The following RAB9A variants were observed in gnomAD, a reference collection of about 807,000 sequenced individuals.
The protein encoded by RAB9A is ras-related protein Rab-9A.
In RAB9A, 1 loss-of-function variant was observed where a neutral mutation model predicts 10.3. The observed-to-expected ratio is 0.10, with a 90% CI of 0.03 to 0.46. The LOEUF is 0.46. Among genes scored for constraint, RAB9A ranks in the 20% least tolerant of loss-of-function variants. RAB9A has a pLI of 0.96. For synonymous variants in RAB9A, 39 were observed against 55.2 expected, an observed-to-expected ratio of 0.71 and a Z score of 1.30; for missense variants, 92 against 150.3, an observed-to-expected ratio of 0.61 and a Z score of 2.03.
Position 13,709,150 on chromosome X carries a change from C to G in RAB9A, c.404C>G (p.Thr135Arg), listed in dbSNP as rs1410088208. ...KIDISERQVS[T>R]EEAQAWCRDN... ...GACATAAGCGAACGGCAGGTGTCTA[C>G]AGAAGAAGCCCAAGCTTGGTGCAGG... Residue 135 changes from threonine (T) to arginine (R), a missense_variant, in exon 3 of 3, where the codon ACA (threonine) becomes AGA (arginine). By Grantham distance (71) the Thr-to-Arg change is moderately conservative. Coordinates refer to ENST00000464506, the MANE Select transcript of RAB9A (RefSeq NM_004251.5). 2.5e-6 allele frequency: 3 copies of G among 1,211,794 alleles called. No homozygotes were observed. Among genetic ancestry groups the G allele is most frequent in the Non-Finnish European group, 3.4e-6 (3 of 895,486 alleles).
At chrX:13,707,860 A>G (rs1008727669) in intron 2 of RAB9A, among the ~76,000 whole-genome samples, 1 of 112,417 alleles carries the variant, frequency 8.9e-6, no homozygotes, top group African/African-American at 3.2e-5. Flanking sequence ...TGGTTGGTTC[A>G]TACTTTATTT....
In RAB9A at chrX:13,710,294, CT is replaced by C. The variant is rs1159625354; in HGVS notation, c.*945del. On this transcript the variant is annotated 3_prime_UTR_variant, in exon 3 of 3. Coordinates refer to ENST00000464506, the MANE Select transcript of RAB9A (RefSeq NM_004251.5). ...CTTTATAACACAAGACACAAGCTGACTTTATCACTCTCAGAAGAAATACTAA... is the reference window on the plus strand; with the variant it reads ...CTTTATAACACAAGACACAAGCTGACTTATCACTCTCAGAAGAAATACTAA... The C allele has an allele frequency of 8.1e-6, 1 of 123,765 alleles. No individual in the cohort carries two copies. The highest frequency in any genetic ancestry group is 3.2e-5 in the African/African-American group (1 of 30,920). 10.2% of individuals were successfully genotyped at this position (123,765 alleles called of 1,213,427 possible).
chrX:13,699,472 G>A (rs1185981857), intron 1 of RAB9A, among the ~76,000 whole-genome samples: 1 of 112,643 alleles, frequency 8.9e-6, no homozygotes, highest in African/African-American at 3.2e-5. Flanking sequence ...TAGGTGTTGT[G>A]TGTCCCTCCC....
chrX:13,696,464 G>T (rs1279894933), intron 1 of RAB9A, among the ~76,000 whole-genome samples: 1 of 111,290 alleles, frequency 9.0e-6, no homozygotes, highest in African/African-American at 3.3e-5. Context: ...CAAGATTTTA[G>T]TTCATGCACA....
chrX:13,700,508 A>G (rs780523483), intron 1 of RAB9A, among the ~76,000 whole-genome samples: 7 of 112,110 alleles, frequency 6.2e-5, no homozygotes, highest in Admixed American at 1.9e-4. Context: ...TCTGCTGGCA[A>G]TGTGGTTCAT....
intron 1 of RAB9A, among the ~76,000 whole-genome samples, chrX:13,697,399 C>A (rs1012387827): frequency 6.2e-5 from 7 of 112,061 alleles, no homozygotes; most frequent in Admixed American, 9.5e-5. Context: ...TGACTTTTAT[C>A]TATGTCTTTG....
At chrX:13,705,069 C>T (rs893212550) in intron 2 of RAB9A, among the ~76,000 whole-genome samples, 1 of 111,544 alleles carries the variant, frequency 9.0e-6, no homozygotes, top group Non-Finnish European at 1.9e-5. Flanking sequence ...TAGTAGGATC[C>T]CTTTATTTAT....
chrX:13,693,693 C>A (rs1318186685), intron 1 of RAB9A, among the ~76,000 whole-genome samples: 1 of 111,786 alleles, frequency 8.9e-6, no homozygotes, highest in Non-Finnish European at 1.9e-5. Context: ...TATTATGTTG[C>A]TTATTATGAA....
Position 13,709,364 on chromosome X carries a change from T to A in RAB9A, c.*12T>A. The A allele has an allele frequency of 8.4e-7, 1 of 1,190,222 alleles. No homozygotes were observed. Among genetic ancestry groups the A allele is most frequent in the Non-Finnish European group, 1.1e-6 (1 of 883,953 alleles). ...CATCTTGCTGTTGATTGTTAGATTG[T>A]TGATGCATTCTAACCAACTCACACA... On this transcript the variant is annotated 3_prime_UTR_variant, in exon 3 of 3. Coordinates refer to ENST00000464506, the MANE Select transcript of RAB9A (RefSeq NM_004251.5).
chrX:13,695,318 C>T (rs979874398), intron 1 of RAB9A, among the ~76,000 whole-genome samples: 4 of 112,234 alleles, frequency 3.6e-5, no homozygotes, highest in Admixed American at 9.4e-5. Context: ...TTGTACCTTA[C>T]GTAGACCTTT....
rs1281512209 is a variant in RAB9A, at chrX:13,709,246, A to C, written c.500A>C (p.Glu167Ala). Residue 167 changes from glutamate (E) to alanine (A), a missense_variant, in exon 3 of 3, where the codon GAA becomes GCA. Transcript: ENST00000464506. The stretch of plus-strand genomic sequence containing the variant: ...ACAAATGTGGCAGCAGCCTTTGAGG[A>C]AGCGGTTCGAAGAGTTCTTGCTACC... Reference protein sequence around the residue: ...DATNVAAAFEEAVRRVLATED... With the variant: ...DATNVAAAFEAAVRRVLATED... 8.3e-7 allele frequency: 1 copy of C among 1,211,524 alleles called. No homozygotes were observed. Among genetic ancestry groups the C allele is most frequent in the Non-Finnish European group, 1.1e-6 (1 of 895,484 alleles).
chrX:13,703,488 T>C (rs2046183602), intron 1 of RAB9A, among the ~76,000 whole-genome samples: 1 of 112,457 alleles, frequency 8.9e-6, no homozygotes, highest in African/African-American at 3.2e-5. Flanking sequence ...TTGATTGAAT[T>C]TATAAGTTAA....
At chrX:13,706,006 C>T (rs1425156219) in intron 2 of RAB9A, among the ~76,000 whole-genome samples, 1 of 111,814 alleles carries the variant, frequency 8.9e-6, no homozygotes, top group Non-Finnish European at 1.9e-5. Context: ...GAGCAGGGGC[C>T]AGGTGTCTTG....
At chrX:13,697,526 CA>C (rs201868801) in intron 1 of RAB9A, among the ~76,000 whole-genome samples, 1 of 109,904 alleles carries the variant, frequency 9.1e-6, no homozygotes, top group East Asian at 2.8e-4. Flanking sequence ...TTAAGCAAAA[CA>C]AAAAAAAATT....
intron 1 of RAB9A, among the ~76,000 whole-genome samples, chrX:13,695,180 C>G (rs1324474035): frequency 3.6e-5 from 4 of 112,474 alleles, no homozygotes; most frequent in African/African-American, 1.3e-4. Flanking sequence ...TCATTGTTGG[C>G]TGCTGCTTTC....
At chrX:13,694,801 C>T (rs780203847) in intron 1 of RAB9A, among the ~76,000 whole-genome samples, 5 of 111,689 alleles carry the variant, frequency 4.5e-5, no homozygotes, top group African/African-American at 1.6e-4. Flanking sequence ...AATTCTCCAT[C>T]CCCCCTTCCA....
At chrX:13,689,827 C>T (rs1015585289) in intron 1 of RAB9A, among the ~76,000 whole-genome samples, 1 of 112,174 alleles carries the variant, frequency 8.9e-6, no homozygotes, top group Non-Finnish European at 1.9e-5. Flanking sequence ...AGGCTGCAGG[C>T]GTTTTGGGGG....
At chrX:13,703,499 G>A (rs1046014986) in intron 1 of RAB9A, among the ~76,000 whole-genome samples, 1 of 112,143 alleles carries the variant, frequency 8.9e-6, no homozygotes, top group Non-Finnish European at 1.9e-5. Flanking sequence ...TATAAGTTAA[G>A]GACTGCTGTA....
chrX:13,692,849 C>A (rs991774725), intron 1 of RAB9A, among the ~76,000 whole-genome samples: 2 of 112,310 alleles, frequency 1.8e-5, no homozygotes, highest in African/African-American at 6.5e-5. Flanking sequence ...ACGTTCTTTG[C>A]TGATGAATAG....
Sources: allele counts gnomAD v4.1 joint callset (sites outside exome capture counted in the v4.1 genomes callset), GRCh38; gene constraint gnomAD v4.1.1; transcripts MANE v1.5; gene names NCBI Gene and HGNC (gene_info 2026-07-23, HGNC 2026-07-21).